Variants in PIK3AP1 observed in about 807,000 individuals in gnomAD.
PIK3AP1 encodes phosphoinositide-3-kinase adaptor protein 1.
A neutral mutation model predicts 88.1 loss-of-function variants in PIK3AP1; 21 were observed. The observed-to-expected ratio is 0.24, with a 90% CI of 0.17 to 0.34. PIK3AP1 has a LOEUF of 0.34. Ranked by LOEUF, PIK3AP1 falls within the 10% of genes least tolerant of loss-of-function variation. The pLI is 1.00. For missense variants in PIK3AP1, 828 were observed against 1,035.7 expected (o/e 0.80, Z 2.75); for synonymous variants, 398 against 400.0 (o/e 1.00, Z 0.06).
rs1476433591 is a variant in PIK3AP1, at chr10:96,609,802, A to G, written c.2080T>C (p.Tyr694His). 1 of 1,614,136 alleles carries G rather than the reference A, an allele frequency of 6.2e-7. No individual in the cohort carries two copies. Residue 694 changes from tyrosine (Y) to histidine (H), a missense_variant, in exon 14 of 17, where the codon TAT becomes CAT. Physicochemically the swap from Tyr to His is moderately conservative, Grantham distance 83 (BLOSUM62 2). This residue lies in a region of PIK3AP1 where 191 missense variants were observed against 208.6 expected (regional missense o/e 0.92). Coordinates refer to ENST00000339364, the MANE Select transcript of PIK3AP1 (RefSeq NM_152309.3). ...HLPAKVEFGV[Y>H]ESGPRKSVIP... ...ACACTTTTCCTGGGGCCACTCTCATAGACTCCAAACTCCACTTTTGCAGGC... is the reference window on the plus strand; with the variant it reads ...ACACTTTTCCTGGGGCCACTCTCATGGACTCCAAACTCCACTTTTGCAGGC...
In PIK3AP1 at chr10:96,629,279, T is replaced by C. The variant is rs180841606; in HGVS notation, c.1376-786A>G. Among the ~76,000 whole-genome samples, 107 of 152,212 alleles carry C rather than the reference T, an allele frequency of 7.0e-4. No individual in the cohort carries two copies. The East Asian group carries it at 0.02, about 28-fold the overall frequency. On this transcript the variant is annotated intron_variant, in intron 8 of 16. Transcript: ENST00000339364. Reference sequence around the variant, plus strand: ...CAAATTGTTTATGAATTCATAAATATGCAGTAAACACACAAATATGCTGGG... The same window carrying C: ...CAAATTGTTTATGAATTCATAAATACGCAGTAAACACACAAATATGCTGGG...
Position 96,677,578 on chromosome 10 carries a change from T to TACACACAC in PIK3AP1, c.431-20652_431-20645dup, listed in dbSNP as rs35018772. ...GCTAACTACCTCCTCACTAAGCACATACACACACACACACACACACACACA... is the reference window on the plus strand; with the variant it reads ...GCTAACTACCTCCTCACTAAGCACATACACACACACACACACACACACACACACACACA... On this transcript the variant is annotated intron_variant, in intron 2 of 16. Coordinates refer to ENST00000339364, the MANE Select transcript of PIK3AP1 (RefSeq NM_152309.3). Among the ~76,000 whole-genome samples, 790 of 121,160 alleles carry TACACACAC rather than the reference T, an allele frequency of 6.5e-3. 3 individuals carry two copies. The highest frequency in any genetic ancestry group is 8.0e-3 in the Non-Finnish European group (440 of 54,970). The allele number at this position is 121,160 out of a possible 152,430, so 79.5% of individuals were successfully genotyped here.
chr10:96,710,610 A>G lies in PIK3AP1; in HGVS notation c.14-627T>C, dbSNP rs973988093. Reference sequence around the variant, plus strand: ...CCTGAAGCAGTATGAGATCATAACAATAATAACAATAATAATAAATAATAA... The same window carrying G: ...CCTGAAGCAGTATGAGATCATAACAGTAATAACAATAATAATAAATAATAA... On this transcript the variant is annotated intron_variant, in intron 1 of 16. Coordinates refer to ENST00000339364, the MANE Select transcript of PIK3AP1 (RefSeq NM_152309.3). Among the ~76,000 whole-genome samples, 5 of 152,052 alleles carry G rather than the reference A, an allele frequency of 3.3e-5. No homozygotes were observed. The East Asian group carries it at 9.6e-4, about 29-fold the overall frequency.
chr10:96,706,233 G>A (rs1352418323), intron 2 of PIK3AP1, among the ~76,000 whole-genome samples: 1 of 152,074 alleles, frequency 6.6e-6, no homozygotes, highest in Non-Finnish European at 1.5e-5. Context: ...TTTTTTAACA[G>A]AGAAAGTCAA....
chr10:96,648,606 A>G lies in PIK3AP1; in HGVS notation c.1185+53T>C. On this transcript the variant is annotated intron_variant, in intron 7 of 16. Coordinates refer to ENST00000339364, the MANE Select transcript of PIK3AP1 (RefSeq NM_152309.3). ...TCGTATTTTGGGTGAAAGGGCAGCC[A>G]TACTACCACAGAGTGCATTTCCAAT... 3.3e-6 allele frequency: 5 copies of G among 1,533,184 alleles called. No individual in the cohort carries two copies. In the South Asian group the frequency reaches 6.3e-5, roughly 19 times the overall value. The allele number at this position is 1,533,184 out of a possible 1,614,324, so 95.0% of individuals were successfully genotyped here. A position where few individuals can be genotyped will look rare whatever the true frequency, so the allele number is the denominator to read the frequency against.
chr10:96,643,649 C>A (rs1843421141), intron 8 of PIK3AP1, among the ~76,000 whole-genome samples: 1 of 152,224 alleles, frequency 6.6e-6, no homozygotes, highest in Admixed American at 6.5e-5. Context: ...TGGACCACAT[C>A]TTGCAGGTTC....
intron 2 of PIK3AP1, among the ~76,000 whole-genome samples, chr10:96,661,553 G>A (rs1843686386): frequency 6.6e-6 from 1 of 152,208 alleles, no homozygotes; most frequent in African/African-American, 2.4e-5. Context: ...TAGGGGCAGA[G>A]CAGACATGGA....
At chr10:96,635,414 T>C (rs1263423526) in intron 8 of PIK3AP1, among the ~76,000 whole-genome samples, 1 of 152,226 alleles carries the variant, frequency 6.6e-6, no homozygotes, top group Non-Finnish European at 1.5e-5. Flanking sequence ...AAATGATTTT[T>C]CCATTTATAT....
At chr10:96,696,903 C>T (rs1321268423) in intron 2 of PIK3AP1, among the ~76,000 whole-genome samples, 1 of 152,086 alleles carries the variant, frequency 6.6e-6, no homozygotes, top group Non-Finnish European at 1.5e-5. Flanking sequence ...TAGATCGAGA[C>T]CCAGTAATGA....
chr10:96,683,744 G>A (rs138383870), intron 2 of PIK3AP1, among the ~76,000 whole-genome samples: 5 of 152,308 alleles, frequency 3.3e-5, no homozygotes, highest in East Asian at 3.9e-4. Flanking sequence ...ATGCTACTAC[G>A]TGCTGAGAGC....
intron 1 of PIK3AP1, among the ~76,000 whole-genome samples, chr10:96,710,632 A>G (rs956234656): frequency 2.0e-5 from 3 of 152,190 alleles, no homozygotes; most frequent in African/African-American, 7.2e-5. Context: ...ATAATAAATA[A>G]TAATAATCGC....
intron 10 of PIK3AP1, among the ~76,000 whole-genome samples, chr10:96,625,952 TG>T (rs1314813345): frequency 6.6e-6 from 1 of 152,178 alleles, no homozygotes; most frequent in African/African-American, 2.4e-5. Context: ...TTTGCCATGC[TG>T]CTCAGGCCAG....
intron 2 of PIK3AP1, among the ~76,000 whole-genome samples, chr10:96,673,343 A>C (rs989063459): frequency 6.6e-6 from 1 of 152,214 alleles, no homozygotes; most frequent in Non-Finnish European, 1.5e-5. Flanking sequence ...GGCGGGGTTT[A>C]TCAGGATCCT....
chr10:96,714,211 T>G (rs1403507165), intron 1 of PIK3AP1, among the ~76,000 whole-genome samples: 1 of 152,068 alleles, frequency 6.6e-6, no homozygotes. Flanking sequence ...AAGGAAAGTT[T>G]AAATCGTGAT....
chr10:96,612,263 A>G (rs1196744776), intron 13 of PIK3AP1, among the ~76,000 whole-genome samples: 3 of 152,176 alleles, frequency 2.0e-5, no homozygotes, highest in Non-Finnish European at 4.4e-5. Context: ...CATGGCTCTC[A>G]CCAGCCCTTC....
At chr10:96,672,504 C>T (rs139081306) in intron 2 of PIK3AP1, among the ~76,000 whole-genome samples, 10 of 152,334 alleles carry the variant, frequency 6.6e-5, no homozygotes, top group African/African-American at 2.2e-4. Flanking sequence ...GCACTCCCCA[C>T]TCCCTTAAAT....
At chr10:96,632,648 G>C (rs1430946855) in intron 8 of PIK3AP1, among the ~76,000 whole-genome samples, 1 of 152,224 alleles carries the variant, frequency 6.6e-6, no homozygotes, top group Non-Finnish European at 1.5e-5. Context: ...TGGTGGTTAA[G>C]AGCAAGATTT....
chr10:96,635,299 C>T (rs945333676), intron 8 of PIK3AP1, among the ~76,000 whole-genome samples: 8 of 152,194 alleles, frequency 5.3e-5, no homozygotes, highest in Non-Finnish European at 1.2e-4. Flanking sequence ...AATTAGGGCA[C>T]ACTCAAGTGA....
Position 96,645,394 on chromosome 10 carries a change from C to T in PIK3AP1, c.1375+79G>A, listed in dbSNP as rs546863291. ...TGAAGTGAGGGTACATAGGGACTGC[C>T]CCGCGCCATCTTCATCCGGAATGAA... is the stretch of plus-strand genomic sequence containing the variant. On this transcript the variant is annotated intron_variant, in intron 8 of 16. Coordinates refer to ENST00000339364, the MANE Select transcript of PIK3AP1 (RefSeq NM_152309.3). 6.1e-6 allele frequency: 9 copies of T among 1,465,976 alleles called. No homozygotes were observed. In the African/African-American group the frequency reaches 1.3e-4, roughly 21 times the overall value. The allele number at this position is 1,465,976 out of a possible 1,614,324, so 90.8% of individuals were successfully genotyped here.
Sources: allele counts gnomAD v4.1 joint callset (sites outside exome capture counted in the v4.1 genomes callset), GRCh38; gene constraint gnomAD v4.1.1; regional missense constraint gnomAD v4.1.1; transcripts MANE v1.5; gene names NCBI Gene and HGNC (gene_info 2026-07-23, HGNC 2026-07-21).